IGF2R: variants seen among roughly 807,000 people sequenced by gnomAD.
IGF2R encodes the protein insulin like growth factor 2 receptor.
In IGF2R, 91 loss-of-function variants were observed where a neutral mutation model predicts 270.6. The observed-to-expected ratio is 0.34, with a 90% CI of 0.28 to 0.40. IGF2R has a LOEUF of 0.40. Among genes scored for constraint, IGF2R ranks in the 10% least tolerant of loss-of-function variants. The pLI is 1.00. For synonymous variants in IGF2R, 1,316 were observed against 1,258.9 expected, an observed-to-expected ratio of 1.05 and a Z score of -0.96; for missense variants, 2,805 against 3,188.3, an observed-to-expected ratio of 0.88 and a Z score of 2.90.
chr6:160,001,000 G>C (rs904199595), intron 2 of IGF2R, among the ~76,000 whole-genome samples: 1 of 151,982 alleles, frequency 6.6e-6, no homozygotes, highest in Admixed American at 6.5e-5. Context: ...GCCCCCCAAA[G>C]TGCTGGGATT....
chr6:160,061,274 T>C (rs1369357689), intron 23 of IGF2R, among the ~76,000 whole-genome samples: 1 of 152,204 alleles, frequency 6.6e-6, no homozygotes, highest in Non-Finnish European at 1.5e-5. Context: ...GCCTCCAAAG[T>C]AGCTGACTAC....
At chr6:160,032,872 G>GT in intron 8 of IGF2R, 70 bp from the exon 9 acceptor site, 1 of 1,416,028 alleles carries the variant, frequency 7.1e-7, no homozygotes, top group Non-Finnish European at 9.7e-7. Context: ...GTTTGACTAA[G>GT]TAAGACTGTA....
intron 2 of IGF2R, among the ~76,000 whole-genome samples, chr6:160,008,420 A>T (rs1583256354): frequency 6.6e-6 from 1 of 152,018 alleles, no homozygotes; most frequent in Non-Finnish European, 1.5e-5. Flanking sequence ...TGATCAGTTT[A>T]TTCCTATGCC....
intron 30 of IGF2R, among the ~76,000 whole-genome samples, chr6:160,068,923 A>AG (rs988206979): frequency 2.0e-5 from 3 of 152,188 alleles, no homozygotes; most frequent in African/African-American, 7.2e-5. Flanking sequence ...AGTATGGCCC[A>AG]GGGTAAATCA....
chr6:160,061,139 A>T (rs1778430245), intron 23 of IGF2R, among the ~76,000 whole-genome samples: 1 of 152,180 alleles, frequency 6.6e-6, no homozygotes, highest in African/African-American at 2.4e-5. Flanking sequence ...CCTGCTCTGC[A>T]ACAGTGGTAC....
intron 4 of IGF2R, among the ~76,000 whole-genome samples, chr6:160,021,987 G>A (rs1777447447): frequency 7.0e-6 from 1 of 142,160 alleles, no homozygotes; most frequent in Admixed American, 7.0e-5. Context: ...AACGTTAAGT[G>A]CCCACCAACG....
Position 160,064,454 on chromosome 6 carries a change from A to T in IGF2R, c.3940A>T (p.Thr1314Ser). The T allele has an allele frequency of 6.2e-7, 1 of 1,613,590 alleles. No homozygotes were observed. The highest frequency in any genetic ancestry group is 1.1e-5 in the South Asian group (1 of 91,066). ...AAATGGCTTGTTAAAAATGAACTTC[A>T]CGGGGGGGGACACTTGCCATAAGGT... Reference protein sequence around the residue: ...YENGLLKMNFTGGDTCHKVYQ... With the variant: ...YENGLLKMNFSGGDTCHKVYQ... The change falls in exon 28 of 48, where the codon ACG (threonine) becomes TCG (serine). Residue 1314 changes from threonine (T) to serine (S), a missense_variant. Thr to Ser is a moderately conservative substitution (Grantham distance 58). Around this residue, in one of 2 missense-constraint regions of IGF2R, gnomAD observed 1,851 missense variants for 2,207.2 expected, o/e 0.84. Transcript: ENST00000356956.
At chr6:160,093,883 C>T in intron 44 of IGF2R, 1 of 724,686 alleles carries the variant, frequency 1.4e-6, no homozygotes, top group South Asian at 1.4e-5. Context: ...CAGACAGGAC[C>T]ATTCAGGAGG....
chr6:159,978,694 A>G (rs557917893), intron 1 of IGF2R, among the ~76,000 whole-genome samples: 19 of 150,542 alleles, frequency 1.3e-4, no homozygotes, highest in African/African-American at 4.6e-4. Context: ...CGAGGTGCCC[A>G]AAGCAATGCG....
chr6:160,084,282 A>C lies in IGF2R; in HGVS notation c.6068+98A>C. 2 of 716,804 alleles carry C rather than the reference A, an allele frequency of 2.8e-6. No individual in the cohort carries two copies. The highest frequency in any genetic ancestry group is 4.9e-6 in the Non-Finnish European group (2 of 407,662). The allele number at this position is 716,804 out of a possible 1,614,324, so 44.4% of individuals were successfully genotyped here. A position where few individuals can be genotyped will look rare whatever the true frequency, so the allele number is the denominator to read the frequency against. Reference sequence around the variant, plus strand: ...GGCTCTTTTGGGTTCTCAAGATGGGAATACTATGCCCATGTGAGGCTGATG... The same window carrying C: ...GGCTCTTTTGGGTTCTCAAGATGGGCATACTATGCCCATGTGAGGCTGATG... On this transcript the variant is annotated intron_variant, in intron 40 of 47. Transcript: ENST00000356956. This position sits in a 1 kb window ranked among gnomAD's most constrained non-coding sequence, Gnocchi z 4.6.
intron 4 of IGF2R, among the ~76,000 whole-genome samples, chr6:160,012,623 A>G (rs1784351631): frequency 6.6e-6 from 1 of 151,584 alleles, no homozygotes. Flanking sequence ...ATCTGCCCTC[A>G]TGATCCAGTC....
chr6:160,092,028 A>C (rs1392919119), intron 44 of IGF2R, among the ~76,000 whole-genome samples: 2 of 152,190 alleles, frequency 1.3e-5, no homozygotes, highest in African/African-American at 2.4e-5. Context: ...CATCCTTCCA[A>C]ACCTACTTCT....
intron 39 of IGF2R, among the ~76,000 whole-genome samples, chr6:160,080,608 A>G (rs146481820): frequency 1.2e-3 from 177 of 152,214 alleles, no homozygotes; most frequent in African/African-American, 4.1e-3. Flanking sequence ...AATGTCTGCT[A>G]TGGGTCTTCA....
Position 159,991,288 on chromosome 6 carries a change from T to C in IGF2R, c.254T>C (p.Met85Thr), listed in dbSNP as rs766668837. The C allele has an allele frequency of 1.2e-6, 2 of 1,613,716 alleles. No individual in the cohort carries two copies. Among genetic ancestry groups the C allele is most frequent in the African/African-American group, 2.7e-5 (2 of 74,936 alleles). ...TGCGGGCCATCAAGTGCTGTTTGTA[T>C]GCACGACTTGAAGACACGCACTTAT... Reference protein sequence around the residue: ...VQCGPSSAVCMHDLKTRTYHS... With the variant: ...VQCGPSSAVCTHDLKTRTYHS... Residue 85 changes from methionine to threonine, a missense_variant, in exon 2 of 48, where the codon ATG (methionine) becomes ACG (threonine). Around this residue, in one of 2 missense-constraint regions of IGF2R, gnomAD observed 954 missense variants for 981.1 expected, o/e 0.97. Coordinates refer to ENST00000356956, the MANE Select transcript of IGF2R (RefSeq NM_000876.4).
At chr6:160,058,825 T>G in intron 21 of IGF2R, 81 bp from the exon 22 acceptor site, 1 of 1,209,590 alleles carries the variant, frequency 8.3e-7, no homozygotes, top group Non-Finnish European at 1.2e-6. Flanking sequence ...CCTAGTGGGA[T>G]TTGGAGTTGC....
In IGF2R at chr6:160,084,863, C is replaced by T; in HGVS notation, c.6069-132C>T. 1 of 821,002 alleles carries T rather than the reference C, an allele frequency of 1.2e-6. No individual in the cohort carries two copies. The highest frequency in any genetic ancestry group is 1.9e-6 in the Non-Finnish European group (1 of 525,232). 50.9% of individuals were successfully genotyped at this position (821,002 alleles called of 1,614,324 possible). A position where few individuals can be genotyped will look rare whatever the true frequency, so the allele number is the denominator to read the frequency against. ...TTTAATTGGAAAAGCTATTTTAGTG[C>T]TACATTCAGTGATGGAATGGAGCCC... On this transcript the variant is annotated intron_variant, in intron 40 of 47. Transcript: ENST00000356956. This position sits in a 1 kb window ranked among gnomAD's most constrained non-coding sequence, Gnocchi z 4.6.
rs186831751 is a variant in IGF2R at position 160,023,436 on chromosome 6, T to G, written c.514-1136T>G. Reference sequence around the variant, plus strand: ...TCATTTTAAATTTAAATACATGAAATTTGAGATGGTTTTGTGTATCCAAGT... The same window carrying G: ...TCATTTTAAATTTAAATACATGAAAGTTGAGATGGTTTTGTGTATCCAAGT... On this transcript the variant is annotated intron_variant, in intron 4 of 47. Transcript: ENST00000356956. Among the ~76,000 whole-genome samples the G allele has an allele frequency of 6.6e-5, 10 of 152,106 alleles. No individual in the cohort carries two copies. The East Asian group carries it at 1.7e-3, about 26-fold the overall frequency.
chr6:160,101,580 G>T (rs1779485851), intron 45 of IGF2R, among the ~76,000 whole-genome samples: 1 of 152,258 alleles, frequency 6.6e-6, no homozygotes, highest in Non-Finnish European at 1.5e-5. Flanking sequence ...TCTTTGAGCA[G>T]CCGGCATCTT....
At position 160,026,693 on chromosome 6, in the gene IGF2R, T is replaced by A. The variant is rs964700694; in HGVS notation, c.647-492T>A. ...TGGACATATTCTGGGTATGTTTTCA[T>A]CTTTAATCCTCCACCAAACCTGTGC... On this transcript the variant is annotated intron_variant, in intron 5 of 47. Coordinates refer to ENST00000356956, the MANE Select transcript of IGF2R (RefSeq NM_000876.4). Among the ~76,000 whole-genome samples, 7 of 152,232 alleles carry A rather than the reference T, an allele frequency of 4.6e-5. No individual in the cohort carries two copies. The East Asian group carries it at 1.2e-3, about 25-fold the overall frequency.
Sources: allele counts gnomAD v4.1 joint callset (sites outside exome capture counted in the v4.1 genomes callset), GRCh38; gene constraint gnomAD v4.1.1; regional missense constraint gnomAD v4.1.1; non-coding constraint Gnocchi (gnomAD v3.1); transcripts MANE v1.5; gene names NCBI Gene and HGNC (gene_info 2026-07-23, HGNC 2026-07-21).